Variants in TLNRD1 observed in about 807,000 individuals in gnomAD.
TLNRD1 encodes talin rod domain-containing protein 1.
A neutral mutation model predicts 19.5 loss-of-function variants in TLNRD1; 14 were observed. That is an observed-to-expected ratio of 0.72 (90% CI 0.47 to 1.12). TLNRD1 has a LOEUF of 1.12. TLNRD1 is among the 50% of genes most tolerant of loss of function. TLNRD1 has a pLI of 0.00. For missense variants in TLNRD1, 569 were observed against 531.9 expected (o/e 1.07, Z -0.69); for synonymous variants, 345 against 261.7 (o/e 1.32, Z -3.07).
rs1162977168 is a variant in TLNRD1 at position 81,001,326 on chromosome 15, G to A, written c.-946G>A. 6.6e-6 allele frequency: 1 copy of A among 151,962 alleles called. No individual in the cohort carries two copies. The highest frequency in any genetic ancestry group is 1.5e-5 in the Non-Finnish European group (1 of 68,042). The allele number at this position is 151,962 out of a possible 1,614,324, so 9.4% of individuals were successfully genotyped here. A position where few individuals can be genotyped will look rare whatever the true frequency, so the allele number is the denominator to read the frequency against. ...GGGCCCCAGACGAGGCGACAGGGAT[G>A]GACTTGCGTAGACAGCCAGCGCCGG... On this transcript the variant is annotated 5_prime_UTR_variant, in exon 1 of 1. It removes an upstream start codon present in the reference 5' UTR. Coordinates refer to ENST00000267984, the MANE Select transcript of TLNRD1 (RefSeq NM_022566.3).
Position 81,002,416 on chromosome 15 carries a change from G to A in TLNRD1, c.145G>A (p.Asp49Asn). Residue 49 changes from aspartate (D) to asparagine (N), a missense_variant, in exon 1 of 1, where the codon GAC becomes AAC. Asp to Asn is a conservative substitution (Grantham distance 23). Transcript: ENST00000267984. ...HCKGKMQLVA[D>N]LLLLSSEARP... is the part of the protein sequence containing the mutation. Reference sequence around the variant, plus strand: ...CAAGGGCAAGATGCAGCTGGTGGCTGACCTGCTGCTGCTGTCGAGCGAGGC... The same window carrying A: ...CAAGGGCAAGATGCAGCTGGTGGCTAACCTGCTGCTGCTGTCGAGCGAGGC... 6.4e-7 allele frequency: 1 copy of A among 1,555,986 alleles called. No homozygotes were observed. Among genetic ancestry groups the A allele is most frequent in the Non-Finnish European group, 8.6e-7 (1 of 1,158,190 alleles).
chr15:81,003,492 A>T lies in TLNRD1; in HGVS notation c.*132A>T. On this transcript the variant is annotated 3_prime_UTR_variant, in exon 1 of 1. Coordinates refer to ENST00000267984, the MANE Select transcript of TLNRD1 (RefSeq NM_022566.3). ...TCCCCAACGTTAAATGCTCGAGAGG[A>T]ATCTTCCACAAGGCAGGGCCATGCA... is the stretch of plus-strand genomic sequence containing the variant. The T allele has an allele frequency of 2.8e-6, 3 of 1,075,520 alleles. No homozygotes were observed. Among genetic ancestry groups the T allele is most frequent in the Non-Finnish European group, 2.6e-6 (2 of 758,820 alleles). 66.6% of individuals were successfully genotyped at this position (1,075,520 alleles called of 1,614,324 possible).
Position 81,003,120 on chromosome 15 carries a change from G to A in TLNRD1, c.849G>A (p.Ala283=). The stretch of plus-strand genomic sequence containing the variant: ...CAGCTGTGAGCGCCGAGGGCAAGGC[G>A]GTGCAGACCGCCATCCTGGGCGGCG... The part of the protein sequence containing the change: ...RAAAVSAEGK[A]VQTAILGGAM... The change falls in exon 1 of 1, where the codon GCG becomes GCA. Residue 283 remains alanine (A), a synonymous_variant. Coordinates refer to ENST00000267984, the MANE Select transcript of TLNRD1 (RefSeq NM_022566.3). 3.2e-6 allele frequency: 5 copies of A among 1,560,602 alleles called. No homozygotes were observed. Among genetic ancestry groups the A allele is most frequent in the Non-Finnish European group, 4.3e-6 (5 of 1,154,438 alleles).
Position 81,003,051 on chromosome 15 carries a change from C to T in TLNRD1, c.780C>T (p.Ala260=). ...FSGPLVQAVS[A]LVGFATEPQF... is the part of the protein sequence containing the mutation. ...GGCCCCTGGTGCAGGCAGTGAGCGC[C>T]CTGGTAGGCTTCGCCACCGAGCCGC... Residue 260 remains alanine, a synonymous_variant, in exon 1 of 1, where the codon GCC becomes GCT. Transcript: ENST00000267984. 6.5e-7 allele frequency: 1 copy of T among 1,547,916 alleles called. No homozygotes were observed. Among genetic ancestry groups the T allele is most frequent in the South Asian group, 1.2e-5 (1 of 85,402 alleles).
rs1222388549 is a variant in TLNRD1 at position 81,001,050 on chromosome 15, C to G, written c.-1222C>G. ...CTGCGGGCGGCGGCGCAGCCACGGC[C>G]GCGCTCCGAGGTGAAGCCGCGCGCG... On this transcript the variant is annotated 5_prime_UTR_variant, in exon 1 of 1. Coordinates refer to ENST00000267984, the MANE Select transcript of TLNRD1 (RefSeq NM_022566.3). 6.5e-6 allele frequency: 1 copy of G among 152,890 alleles called. No individual in the cohort carries two copies. Among genetic ancestry groups the G allele is most frequent in the Non-Finnish European group, 1.5e-5 (1 of 68,360 alleles). 9.5% of individuals were successfully genotyped at this position (152,890 alleles called of 1,614,324 possible).
In TLNRD1 at chr15:81,002,702, A is replaced by C; in HGVS notation, c.431A>C (p.Gln144Pro). ...GCCACGCCGGGCGCCCAGCCCGCGC[A>C]GCCGGGCCTGGTGGACCGCTACCGC... is the stretch of plus-strand genomic sequence containing the variant. ...AVATPGAQPA[Q>P]PGLVDRYRVT... The change falls in exon 1 of 1, where the codon CAG becomes CCG. Residue 144 changes from glutamine (Q) to proline (P), a missense_variant. By Grantham distance (76) the Gln-to-Pro change is moderately conservative (BLOSUM62 -1). Coordinates refer to ENST00000267984, the MANE Select transcript of TLNRD1 (RefSeq NM_022566.3). The C allele has an allele frequency of 1.3e-6, 2 of 1,507,666 alleles. No homozygotes were observed. The highest frequency in any genetic ancestry group is 1.8e-6 in the Non-Finnish European group (2 of 1,136,476). The allele number at this position is 1,507,666 out of a possible 1,614,324, so 93.4% of individuals were successfully genotyped here.
In TLNRD1 at chr15:81,002,829, C is replaced by T. The variant is rs775052186; in HGVS notation, c.558C>T (p.Gly186=). The change falls in exon 1 of 1, where the codon GGC becomes GGT. Residue 186 remains glycine (G), a synonymous_variant. Transcript: ENST00000267984. The part of the protein sequence containing the change: ...TPQLLLEVSQ[G]LSRNLKFLTD... ...AGCTGCTGCTGGAGGTGTCGCAGGG[C>T]CTGTCGCGCAACCTCAAGTTCCTGA... The T allele has an allele frequency of 1.3e-6, 2 of 1,589,604 alleles. No individual in the cohort carries two copies. Among genetic ancestry groups the T allele is most frequent in the South Asian group, 1.1e-5 (1 of 89,788 alleles).
chr15:81,002,925 C>T lies in TLNRD1; in HGVS notation c.654C>T (p.Val218=). The T allele has an allele frequency of 6.3e-7, 1 of 1,597,052 alleles. No homozygotes were observed. Among genetic ancestry groups the T allele is most frequent in the Non-Finnish European group, 8.5e-7 (1 of 1,178,556 alleles). The change falls in exon 1 of 1, where the codon GTC becomes GTT. Residue 218 remains valine (V), a synonymous_variant. Coordinates refer to ENST00000267984, the MANE Select transcript of TLNRD1 (RefSeq NM_022566.3). The part of the protein sequence containing the change: ...RFSREQFKLG[V]KCMSTSASAL... ...CGCGGGAGCAGTTCAAGCTGGGCGT[C>T]AAGTGCATGAGCACCAGCGCGTCGG... is the stretch of plus-strand genomic sequence containing the variant.
chr15:81,002,933 T>C lies in TLNRD1; in HGVS notation c.662T>C (p.Met221Thr), dbSNP rs1280252435. 1.9e-6 allele frequency: 3 copies of C among 1,596,132 alleles called. No individual in the cohort carries two copies. Among genetic ancestry groups the C allele is most frequent in the Non-Finnish European group, 2.5e-6 (3 of 1,178,030 alleles). The change falls in exon 1 of 1, where the codon ATG becomes ACG. Residue 221 changes from methionine to threonine, a missense_variant. Met to Thr is a moderately conservative substitution (Grantham distance 81). Coordinates refer to ENST00000267984, the MANE Select transcript of TLNRD1 (RefSeq NM_022566.3). ...REQFKLGVKC[M>T]STSASALLAC... ...CAGTTCAAGCTGGGCGTCAAGTGCA[T>C]GAGCACCAGCGCGTCGGCGCTGCTG...
At position 81,003,092 on chromosome 15, in the gene TLNRD1, C is replaced by G. The variant is rs761151729; in HGVS notation, c.821C>G (p.Ala274Gly). ...ACCGAGCCGCAGTTCCTGGGTCGCG[C>G]GGCAGCTGTGAGCGCCGAGGGCAAG... The part of the protein sequence containing the change: ...FATEPQFLGR[A>G]AAVSAEGKAV... The change falls in exon 1 of 1, where the codon GCG becomes GGG. Residue 274 changes from alanine to glycine, a missense_variant. Ala to Gly is a moderately conservative substitution (Grantham distance 60, BLOSUM62 0). Coordinates refer to ENST00000267984, the MANE Select transcript of TLNRD1 (RefSeq NM_022566.3). 1 of 1,553,956 alleles carries G rather than the reference C, an allele frequency of 6.4e-7. No homozygotes were observed. The highest frequency in any genetic ancestry group is 1.2e-5 in the South Asian group (1 of 85,560).
chr15:81,002,673 T>TGTG lies in TLNRD1; in HGVS notation c.404_406dup (p.Val135dup). The TGTG allele has an allele frequency of 6.9e-7, 1 of 1,459,670 alleles. No homozygotes were observed. The highest frequency in any genetic ancestry group is 8.9e-7 in the Non-Finnish European group (1 of 1,119,748). The allele number at this position is 1,459,670 out of a possible 1,614,324, so 90.4% of individuals were successfully genotyped here. Reference sequence around the variant, plus strand: ...CGGCCCACGCGGCCTATCTGGCCGCTGTGGCCACGCCGGGCGCCCAGCCCG... The same window carrying TGTG: ...CGGCCCACGCGGCCTATCTGGCCGCTGTGGTGGCCACGCCGGGCGCCCAGCCCG... On this transcript the variant is annotated inframe_insertion, in exon 1 of 1. Coordinates refer to ENST00000267984, the MANE Select transcript of TLNRD1 (RefSeq NM_022566.3).
In TLNRD1 at chr15:81,002,438, AGGCGCGGCCCGTGCTCTTCGAG is replaced by A; in HGVS notation, c.171_192del (p.Arg58ProfsTer58). 6.5e-7 allele frequency: 1 copy of A among 1,549,098 alleles called. No homozygotes were observed. The highest frequency in any genetic ancestry group is 8.7e-7 in the Non-Finnish European group (1 of 1,154,452). ...GCTGACCTGCTGCTGCTGTCGAGCG[AGGCGCGGCCCGTGCTCTTCGAG>A]GGCCCCGCCTCCTCTGGTGCCGGCG... On this transcript the variant is annotated frameshift_variant, in exon 1 of 1. Coordinates refer to ENST00000267984, the MANE Select transcript of TLNRD1 (RefSeq NM_022566.3). LOFTEE classifies it high-confidence loss of function.
chr15:81,003,993 A>G lies in TLNRD1; in HGVS notation c.*633A>G, dbSNP rs566241852. On this transcript the variant is annotated 3_prime_UTR_variant, in exon 1 of 1. Coordinates refer to ENST00000267984, the MANE Select transcript of TLNRD1 (RefSeq NM_022566.3). ...TATTTATTTCATCTATTAAAATGTT[A>G]TGTTTCTCAGATGGCTTTTTGCAAT... is the stretch of plus-strand genomic sequence containing the variant. The G allele has an allele frequency of 1.8e-5, 3 of 166,646 alleles. No homozygotes were observed. Among genetic ancestry groups the G allele is most frequent in the Admixed American group, 6.5e-5 (1 of 15,276 alleles). 10.3% of individuals were successfully genotyped at this position (166,646 alleles called of 1,614,324 possible).
chr15:81,001,333 C>G lies in TLNRD1; in HGVS notation c.-939C>G, dbSNP rs1468706727. ...AGACGAGGCGACAGGGATGGACTTG[C>G]GTAGACAGCCAGCGCCGGGCCGCCG... On this transcript the variant is annotated 5_prime_UTR_variant, in exon 1 of 1. Coordinates refer to ENST00000267984, the MANE Select transcript of TLNRD1 (RefSeq NM_022566.3). The G allele has an allele frequency of 2.0e-5, 3 of 151,780 alleles. No homozygotes were observed. Among genetic ancestry groups the G allele is most frequent in the Non-Finnish European group, 4.4e-5 (3 of 68,010 alleles). The allele number at this position is 151,780 out of a possible 1,614,324, so 9.4% of individuals were successfully genotyped here. A position where few individuals can be genotyped will look rare whatever the true frequency, so the allele number is the denominator to read the frequency against.
chr15:81,002,318 C>T lies in TLNRD1; in HGVS notation c.47C>T (p.Pro16Leu). ...AGKPTGEAAS[P>L]APASAIGGAS... ...AAGCCCACTGGCGAGGCGGCTTCTCCGGCTCCTGCGAGCGCCATCGGCGGG... is the reference window on the plus strand; with the variant it reads ...AAGCCCACTGGCGAGGCGGCTTCTCTGGCTCCTGCGAGCGCCATCGGCGGG... Residue 16 changes from proline (P) to leucine (L), a missense_variant, in exon 1 of 1, where the codon CCG becomes CTG. Coordinates refer to ENST00000267984, the MANE Select transcript of TLNRD1 (RefSeq NM_022566.3). The T allele has an allele frequency of 2.2e-6, 3 of 1,390,340 alleles. No individual in the cohort carries two copies. The highest frequency in any genetic ancestry group is 2.8e-6 in the Non-Finnish European group (3 of 1,067,588). The allele number at this position is 1,390,340 out of a possible 1,614,324, so 86.1% of individuals were successfully genotyped here. A position where few individuals can be genotyped will look rare whatever the true frequency, so the allele number is the denominator to read the frequency against.
Position 81,002,643 on chromosome 15 carries a change from G to A in TLNRD1, c.372G>A (p.Glu124=), listed in dbSNP as rs757845374. 1.1e-5 allele frequency: 16 copies of A among 1,486,616 alleles called. No homozygotes were observed. In the East Asian group the frequency reaches 2.7e-4, roughly 25 times the overall value. The allele number at this position is 1,486,616 out of a possible 1,614,324, so 92.1% of individuals were successfully genotyped here. A position where few individuals can be genotyped will look rare whatever the true frequency, so the allele number is the denominator to read the frequency against. The change falls in exon 1 of 1, where the codon GAG becomes GAA. Residue 124 remains glutamate (E), a synonymous_variant. Coordinates refer to ENST00000267984, the MANE Select transcript of TLNRD1 (RefSeq NM_022566.3). The part of the protein sequence containing the change: ...ELGDLVVSLT[E]CSAHAAYLAA... ...GCGACCTGGTGGTGTCGCTGACCGAGTGCTCGGCCCACGCGGCCTATCTGG... is the reference window on the plus strand; with the variant it reads ...GCGACCTGGTGGTGTCGCTGACCGAATGCTCGGCCCACGCGGCCTATCTGG...
Position 81,002,526 on chromosome 15 carries a change from C to G in TLNRD1, c.255C>G (p.Arg85=). The G allele has an allele frequency of 6.8e-7, 1 of 1,465,622 alleles. No individual in the cohort carries two copies. Among genetic ancestry groups the G allele is most frequent in the South Asian group, 1.4e-5 (1 of 72,994 alleles). The allele number at this position is 1,465,622 out of a possible 1,614,324, so 90.8% of individuals were successfully genotyped here. ...FEQCRDTIIA[R]TKGLSILTHD... ...AGTGCCGGGACACCATCATCGCGCG[C>G]ACCAAGGGGCTCTCCATCCTCACCC... The change falls in exon 1 of 1, where the codon CGC becomes CGG. Residue 85 remains arginine (R), a synonymous_variant. Transcript: ENST00000267984.
In TLNRD1 at chr15:81,005,437, T is replaced by C. The variant is rs1893478285; in HGVS notation, c.*2077T>C. 1 of 167,116 alleles carries C rather than the reference T, an allele frequency of 6.0e-6. No homozygotes were observed. Among genetic ancestry groups the C allele is most frequent in the African/African-American group, 2.4e-5 (1 of 41,462 alleles). 10.4% of individuals were successfully genotyped at this position (167,116 alleles called of 1,614,324 possible). A position where few individuals can be genotyped will look rare whatever the true frequency, so the allele number is the denominator to read the frequency against. ...TGATGGAGTTTGATTATATGGTTCA[T>C]TTTCATTTATCCTATGCAGATCACA... is the stretch of plus-strand genomic sequence containing the variant. On this transcript the variant is annotated 3_prime_UTR_variant, in exon 1 of 1. Transcript: ENST00000267984.
rs1051236109 is a variant in TLNRD1 at position 81,005,564 on chromosome 15, A to G, written c.*2204A>G. The G allele has an allele frequency of 1.2e-5, 2 of 166,936 alleles. No individual in the cohort carries two copies. Among genetic ancestry groups the G allele is most frequent in the Admixed American group, 1.3e-4 (2 of 15,272 alleles). 10.3% of individuals were successfully genotyped at this position (166,936 alleles called of 1,614,324 possible). A position where few individuals can be genotyped will look rare whatever the true frequency, so the allele number is the denominator to read the frequency against. The stretch of plus-strand genomic sequence containing the variant: ...AAAAGAATTGCCAGTTTTTTCCTGG[A>G]CTCTTTCCTTGCAGAAGCGATTTTC... On this transcript the variant is annotated 3_prime_UTR_variant, in exon 1 of 1. Transcript: ENST00000267984.
Sources: gnomAD v4.1 joint callset for allele counts on GRCh38, gnomAD v4.1.1 for gene constraint, MANE v1.5 for transcripts, NCBI Gene and HGNC (gene_info 2026-07-23, HGNC 2026-07-21) for gene names.